MSI2: variants seen among roughly 807,000 people sequenced by gnomAD.
MSI2 encodes musashi RNA binding protein 2.
Under a neutral mutation model 45.6 loss-of-function variants are expected in MSI2, and 17 were observed. That is an observed-to-expected ratio of 0.37 (90% CI 0.26 to 0.56). MSI2 has a LOEUF of 0.56. Among genes scored for constraint, MSI2 ranks in the 20% least tolerant of loss-of-function variants. The pLI is 0.77. For missense variants in MSI2, 293 were observed against 444.2 expected (o/e 0.66, Z 3.06); for synonymous variants, 156 against 158.2 (o/e 0.99, Z 0.11).
At chr17:57,341,778 A>G (rs1452052110) in intron 5 of MSI2, among the ~76,000 whole-genome samples, 1 of 152,236 alleles carries the variant, frequency 6.6e-6, no homozygotes, top group Non-Finnish European at 1.5e-5. Context: ...TAATACAAAA[A>G]AGCCATTTGA....
At chr17:57,582,134 G>A (rs1053573336) in intron 7 of MSI2, among the ~76,000 whole-genome samples, 3 of 152,078 alleles carry the variant, frequency 2.0e-5, no homozygotes, top group Non-Finnish European at 4.4e-5. Flanking sequence ...CACACCCGCT[G>A]GCAGTCACTG....
intron 5 of MSI2, among the ~76,000 whole-genome samples, chr17:57,379,787 G>A (rs1458812211): frequency 6.6e-6 from 1 of 152,118 alleles, no homozygotes. Flanking sequence ...CACCCGGTCA[G>A]CTCTTGATTG....
At chr17:57,617,349 G>A (rs1282002587) in intron 9 of MSI2, among the ~76,000 whole-genome samples, 2 of 152,060 alleles carry the variant, frequency 1.3e-5, no homozygotes, top group Admixed American at 1.3e-4. Context: ...GAATAAATGA[G>A]AAAATGTTTT....
intron 9 of MSI2, among the ~76,000 whole-genome samples, chr17:57,619,010 T>A (rs1440454290): frequency 2.0e-5 from 3 of 152,150 alleles, no homozygotes; most frequent in Admixed American, 2.0e-4. Flanking sequence ...TTTCCCACCT[T>A]TCTGAGTCTA....
chr17:57,332,135 C>T (rs951117403), intron 5 of MSI2, among the ~76,000 whole-genome samples: 2 of 146,260 alleles, frequency 1.4e-5, no homozygotes, highest in East Asian at 4.0e-4. Context: ...GAGTCTCACT[C>T]TGTCACCCAG....
chr17:57,639,740 C>T (rs1156766085), intron 10 of MSI2, among the ~76,000 whole-genome samples: 3 of 134,408 alleles, frequency 2.2e-5, no homozygotes, highest in African/African-American at 8.1e-5. Context: ...TGAGGCCAGC[C>T]CCACAGTTCC....
intron 6 of MSI2, among the ~76,000 whole-genome samples, chr17:57,496,495 C>A (rs915801959): frequency 6.6e-6 from 1 of 152,218 alleles, no homozygotes; most frequent in Non-Finnish European, 1.5e-5. Flanking sequence ...CCTTCCAGAG[C>A]CTAATTGTTT....
At chr17:57,440,134 G>C (rs1466162000) in intron 6 of MSI2, among the ~76,000 whole-genome samples, 3 of 152,126 alleles carry the variant, frequency 2.0e-5, no homozygotes, top group Non-Finnish European at 4.4e-5. Flanking sequence ...AACTGTGCTT[G>C]AAAGGGTGGG....
At chr17:57,527,364 T>C (rs2086724868) in intron 6 of MSI2, among the ~76,000 whole-genome samples, 1 of 151,848 alleles carries the variant, frequency 6.6e-6, no homozygotes, top group Admixed American at 6.6e-5. Context: ...GTGTGACTGC[T>C]CTGTGTACAA....
At chr17:57,657,530 A>C (rs530748320) in intron 11 of MSI2, among the ~76,000 whole-genome samples, 3 of 152,374 alleles carry the variant, frequency 2.0e-5, no homozygotes, top group Admixed American at 6.5e-5. Flanking sequence ...GGAAATTCTA[A>C]GAGCTCCAGT....
intron 5 of MSI2, among the ~76,000 whole-genome samples, chr17:57,400,787 G>T (rs971497655): frequency 6.6e-6 from 1 of 152,056 alleles, no homozygotes; most frequent in Non-Finnish European, 1.5e-5. Context: ...GGGATCTGGG[G>T]ATTAGCTGGG....
chr17:57,497,542 A>C (rs759061420), intron 6 of MSI2, among the ~76,000 whole-genome samples: 1 of 152,222 alleles, frequency 6.6e-6, no homozygotes, highest in African/African-American at 2.4e-5. Flanking sequence ...TCAAGGTTAC[A>C]TGGCTGGAAA....
At position 57,545,087 on chromosome 17, in the gene MSI2, G is replaced by A. The variant is rs541355106; in HGVS notation, c.454+15363G>A. 2.6e-5 allele frequency among the ~76,000 whole-genome samples: 4 copies of A among 152,300 alleles called. No individual in the cohort carries two copies. In the South Asian group the frequency reaches 8.3e-4, roughly 32 times the overall value. On this transcript the variant is annotated intron_variant, in intron 7 of 13. Coordinates refer to ENST00000284073, the MANE Select transcript of MSI2 (RefSeq NM_138962.4). The stretch of plus-strand genomic sequence containing the variant: ...GTTTGGTGGGGGAGGTGGGGGCAGA[G>A]AAGGAGACTGAGTTTAGAGAAAGGA...
intron 6 of MSI2, among the ~76,000 whole-genome samples, chr17:57,427,398 CA>C (rs10709099): frequency 0.91 from 136,585 of 149,662 alleles, 62,817 homozygotes; most frequent in Non-Finnish European, 0.97. Context: ...ACTCTGTCTC[CA>C]AAAAAAAAAA....
intron 6 of MSI2, among the ~76,000 whole-genome samples, chr17:57,491,767 C>T (rs979233677): frequency 2.6e-5 from 4 of 152,074 alleles, no homozygotes; most frequent in Admixed American, 6.5e-5. Flanking sequence ...AAAGCCTTCA[C>T]GACTGCTCTA....
the MSI2 span, among the ~76,000 whole-genome samples, chr17:57,693,462 T>G: frequency 6.6e-6 from 1 of 152,204 alleles, no homozygotes; most frequent in African/African-American, 2.4e-5. Flanking sequence ...TATTTTCAAG[T>G]TCACTGATTC....
intron 12 of MSI2, 82 bp downstream of exon 12, chr17:57,675,208 C>T (rs1913139521): frequency 1.4e-6 from 2 of 1,393,332 alleles, no homozygotes; most frequent in South Asian, 2.6e-5. Context: ...CAGGAAAGCC[C>T]AACATCGGGG....
intron 7 of MSI2, among the ~76,000 whole-genome samples, chr17:57,533,588 TA>T (rs1293395862): frequency 3.9e-5 from 6 of 152,180 alleles, no homozygotes; most frequent in Non-Finnish European, 7.3e-5. Context: ...TTTTTGTGAC[TA>T]GGGGAGGGAA....
At chr17:57,470,256 C>A (rs1452728809) in intron 6 of MSI2, among the ~76,000 whole-genome samples, 1 of 149,888 alleles carries the variant, frequency 6.7e-6, no homozygotes, top group Non-Finnish European at 1.5e-5. Flanking sequence ...CTTTGACATA[C>A]AATACCTTCA....
Sources: allele counts gnomAD v4.1 joint callset (sites outside exome capture counted in the v4.1 genomes callset), GRCh38; gene constraint gnomAD v4.1.1; transcripts MANE v1.5; gene names NCBI Gene and HGNC (gene_info 2026-07-23, HGNC 2026-07-21).